The following FEZ1 variants were observed in gnomAD, a reference collection of about 807,000 sequenced individuals.
FEZ1 encodes fasciculation and elongation protein zeta 1, also known as fasciculation and elongation protein zeta-1.
Under a neutral mutation model 49.3 loss-of-function variants are expected in FEZ1, and 20 were observed. The ratio of observed to expected loss-of-function variants is 0.41; its 90% confidence interval spans 0.29 to 0.59. The LOEUF (loss-of-function observed/expected upper bound fraction) is 0.59. Ranked by LOEUF, FEZ1 falls within the 20% of genes least tolerant of loss-of-function variation. FEZ1 has a pLI of 0.36. For missense variants in FEZ1, 413 were observed against 476.0 expected (o/e 0.87, Z 1.23); for synonymous variants, 170 against 180.9 (o/e 0.94, Z 0.48).
intron 2 of FEZ1, among the ~76,000 whole-genome samples, chr11:125,482,174 G>C (rs1263174828): frequency 6.6e-6 from 1 of 152,118 alleles, no homozygotes; most frequent in Non-Finnish European, 1.5e-5. Context: ...TAAATGATCA[G>C]GAATTCCCTC....
intron 7 of FEZ1, chr11:125,453,873 AC>A: frequency 3.1e-6 from 1 of 327,388 alleles, no homozygotes; most frequent in Non-Finnish European, 5.4e-6. Flanking sequence ...TAATTCTTAG[AC>A]CTACAAGCAG....
At chr11:125,451,292 T>A (rs1956952629) in intron 8 of FEZ1, 1 of 152,236 alleles carries the variant, frequency 6.6e-6, no homozygotes, top group South Asian at 2.1e-4. Flanking sequence ...GATTTTAAAA[T>A]TCCTGATTCT....
chr11:125,491,326 C>A (rs932023906), intron 1 of FEZ1, among the ~76,000 whole-genome samples: 3 of 152,066 alleles, frequency 2.0e-5, no homozygotes, highest in Admixed American at 2.0e-4. Context: ...TACATCTGGG[C>A]CCCATTCAAT....
chr11:125,465,591 G>A (rs991010936), intron 3 of FEZ1, among the ~76,000 whole-genome samples: 8 of 152,166 alleles, frequency 5.3e-5, no homozygotes, highest in African/African-American at 1.9e-4. Flanking sequence ...CTACTCTTAT[G>A]GGAACCATAC....
chr11:125,491,789 CAT>C (rs1431308482), intron 1 of FEZ1, among the ~76,000 whole-genome samples: 1 of 152,184 alleles, frequency 6.6e-6, no homozygotes, highest in East Asian at 1.9e-4. Flanking sequence ...TGCTTTAAAA[CAT>C]ATTTGGAGCA....
intron 8 of FEZ1, among the ~76,000 whole-genome samples, chr11:125,452,053 T>G (rs1381846196): frequency 6.6e-6 from 1 of 152,056 alleles, no homozygotes. Context: ...AAAAGTCCCC[T>G]GCACCAGCAC....
chr11:125,457,403 T>TAAAAAAA (rs141594971), intron 5 of FEZ1, among the ~76,000 whole-genome samples: 15 of 35,110 alleles, frequency 4.3e-4, no homozygotes, highest in Non-Finnish European at 6.4e-4. Flanking sequence ...GTTTCTACTT[T>TAAAAAAA]AAAAAAAAAA....
intron 8 of FEZ1, among the ~76,000 whole-genome samples, chr11:125,449,884 C>T (rs980726901): frequency 1.3e-5 from 2 of 152,024 alleles, no homozygotes; most frequent in Non-Finnish European, 2.9e-5. Context: ...CCAATGGTGG[C>T]GTGAGTCAGC....
chr11:125,454,294 T>G, intron 6 of FEZ1, 84 bp from the exon 7 acceptor site: 1 of 1,013,000 alleles, frequency 9.9e-7, no homozygotes, highest in Non-Finnish European at 1.5e-6. Context: ...TACCAGGCTG[T>G]CCCAGATAAC....
chr11:125,493,078 G>C (rs1434484718), intron 1 of FEZ1, among the ~76,000 whole-genome samples: 1 of 151,776 alleles, frequency 6.6e-6, no homozygotes. Context: ...TGTAATCCCA[G>C]CACTTTGGGA....
intron 7 of FEZ1, chr11:125,452,958 A>AC (rs1284188949): frequency 7.4e-6 from 1 of 135,442 alleles, no homozygotes; most frequent in African/African-American, 2.6e-5. Flanking sequence ...TAAGAAGCTC[A>AC]CTTTTTTTTT....
At chr11:125,475,347 C>T (rs1036857322) in intron 3 of FEZ1, among the ~76,000 whole-genome samples, 2 of 151,548 alleles carry the variant, frequency 1.3e-5, no homozygotes, top group East Asian at 3.9e-4. Context: ...GCTCAATATT[C>T]TATGTCACTA....
In FEZ1 at chr11:125,455,882, T is replaced by A; in HGVS notation, c.892A>T (p.Ser298Cys). 1 of 1,613,918 alleles carries A rather than the reference T, an allele frequency of 6.2e-7. No individual in the cohort carries two copies. Among genetic ancestry groups the A allele is most frequent in the Non-Finnish European group, 8.5e-7 (1 of 1,179,986 alleles). ...MKKRRKEKGL[S>C]LQSSRIEKGN... ...TTCTCTATCCGGCTGCTCTGCAGGC[T>A]CAGCCCTTTCTCTTTCCGCCTCTTT... Residue 298 changes from serine (S) to cysteine (C), a missense_variant, in exon 6 of 10, where the codon AGC becomes TGC. Coordinates refer to ENST00000278919, the MANE Select transcript of FEZ1 (RefSeq NM_005103.5).
At chr11:125,462,447 T>A (rs1957084838) in intron 4 of FEZ1, among the ~76,000 whole-genome samples, 3 of 152,194 alleles carry the variant, frequency 2.0e-5, no homozygotes, top group Admixed American at 2.0e-4. Flanking sequence ...TAAGAAAATA[T>A]CCATCACACA....
intron 3 of FEZ1, among the ~76,000 whole-genome samples, chr11:125,467,770 G>T (rs1444312892): frequency 1.3e-5 from 2 of 152,166 alleles, no homozygotes; most frequent in African/African-American, 4.8e-5. Context: ...AGCCAGGGAG[G>T]TGGAGGCTGT....
In FEZ1 at chr11:125,489,791, G is replaced by C. The variant is rs375797209; in HGVS notation, c.-14C>G. 39 of 1,520,722 alleles carry C rather than the reference G, an allele frequency of 2.6e-5. No individual in the cohort carries two copies. The African/African-American group carries it at 5.0e-4, about 20-fold the overall frequency. 94.2% of individuals were successfully genotyped at this position (1,520,722 alleles called of 1,614,324 possible). ...TGGGGCCTCCATTCTTGCTCAGCAG[G>C]AGAACAACAGCGACTTTCAGGATGA... On this transcript the variant is annotated 5_prime_UTR_variant, in exon 2 of 10. Transcript: ENST00000278919. This position sits in a 1 kb window ranked among gnomAD's most constrained non-coding sequence, Gnocchi z 4.2.
In FEZ1 at chr11:125,495,799, G is replaced by GACAC. The variant is rs10524234; in HGVS notation, c.-46+318_-46+321dup. 5.3e-3 allele frequency: 1,646 copies of GACAC among 309,872 alleles called. 31 individuals carry two copies. The highest frequency in any genetic ancestry group is 0.03 in the African/African-American group (1,277 of 43,116). The allele number at this position is 309,872 out of a possible 1,614,324, so 19.2% of individuals were successfully genotyped here. ...GCACACACGCGGGCACACACACGCG[G>GACAC]ACACACACACACACACACACACACA... On this transcript the variant is annotated intron_variant, in intron 1 of 9. Transcript: ENST00000278919. The surrounding 1 kb of genome is among the most constrained non-coding windows in gnomAD (Gnocchi z 4.2).
chr11:125,471,032 A>G (rs547726460), intron 3 of FEZ1, among the ~76,000 whole-genome samples: 2 of 152,306 alleles, frequency 1.3e-5, no homozygotes, highest in South Asian at 4.1e-4. Context: ...TAAATGGACT[A>G]TGATTAATTA....
At chr11:125,460,754 A>G (rs1957067417) in intron 4 of FEZ1, 88 bp from the exon 5 acceptor site, 1 of 1,120,756 alleles carries the variant, frequency 8.9e-7, no homozygotes, top group East Asian at 2.4e-5. Context: ...GGATGTTCCT[A>G]ATTAGCTATC....
Sources: allele counts gnomAD v4.1 joint callset (sites outside exome capture counted in the v4.1 genomes callset), GRCh38; gene constraint gnomAD v4.1.1; non-coding constraint Gnocchi (gnomAD v3.1); transcripts MANE v1.5; gene names NCBI Gene and HGNC (gene_info 2026-07-23, HGNC 2026-07-21).